The following KMT2E variants were observed in gnomAD, a reference collection of about 807,000 sequenced individuals.
KMT2E encodes the protein lysine methyltransferase 2E (inactive).
A neutral mutation model predicts 184.6 loss-of-function variants in KMT2E; 30 were observed. The observed-to-expected ratio is 0.16, with a 90% CI of 0.12 to 0.22. The LOEUF is 0.22. KMT2E is among the 10% of genes least tolerant of loss of function. The pLI, the probability that KMT2E is intolerant of heterozygous loss-of-function variation, is 1.00. For missense variants in KMT2E, 2,023 were observed against 2,237.4 expected, an observed-to-expected ratio of 0.90 and a Z score of 1.93; for synonymous variants, 815 against 776.5, an observed-to-expected ratio of 1.05 and a Z score of -0.82.
At chr7:105,063,160 A>G (rs1309404471) in intron 4 of KMT2E, among the ~76,000 whole-genome samples, 191 bp from the exon 5 acceptor site, 2 of 151,960 alleles carry the variant, frequency 1.3e-5, no homozygotes, top group African/African-American at 4.8e-5. Flanking sequence ...GTAGATAGAT[A>G]TATTCACTTA....
chr7:105,016,934 C>A (rs757616194), intron 1 of KMT2E, among the ~76,000 whole-genome samples: 1 of 152,158 alleles, frequency 6.6e-6, no homozygotes, highest in Non-Finnish European at 1.5e-5. Flanking sequence ...AGACTGAGCA[C>A]ACAACCTTAC....
chr7:105,076,437 A>G (rs946795232), intron 9 of KMT2E, among the ~76,000 whole-genome samples: 3 of 152,222 alleles, frequency 2.0e-5, no homozygotes, highest in East Asian at 1.9e-4. Flanking sequence ...GCACTTTTGC[A>G]TAGTTGGGAT....
intron 1 of KMT2E, among the ~76,000 whole-genome samples, chr7:105,024,288 G>A (rs1795081350): frequency 6.6e-6 from 1 of 152,166 alleles, no homozygotes; most frequent in Admixed American, 6.5e-5. Context: ...GTGCCAATAT[G>A]TCTTAACAGA....
chr7:105,108,848 T>TA, intron 22 of KMT2E, 94 bp from the exon 23 acceptor site: 1 of 1,018,646 alleles, frequency 9.8e-7, no homozygotes, highest in Non-Finnish European at 1.4e-6. Flanking sequence ...CTAATGTAAA[T>TA]ATAGTAATTC....
At chr7:105,033,502 T>G (rs1027056864) in intron 1 of KMT2E, among the ~76,000 whole-genome samples, 1 of 152,174 alleles carries the variant, frequency 6.6e-6, no homozygotes, top group African/African-American at 2.4e-5. Flanking sequence ...TGTTGCTTTT[T>G]GTTTTTGCTT....
intron 3 of KMT2E, among the ~76,000 whole-genome samples, chr7:105,042,419 TGTAA>T (rs1795922902): frequency 1.3e-5 from 2 of 152,260 alleles, no homozygotes; most frequent in African/African-American, 4.8e-5. Context: ...TATAATGTTC[TGTAA>T]GTGTTAAGCA....
intron 2 of KMT2E, among the ~76,000 whole-genome samples, chr7:105,039,956 T>C (rs1025288774): frequency 2.0e-5 from 3 of 152,204 alleles, no homozygotes; most frequent in African/African-American, 7.2e-5. Flanking sequence ...GAAAAATTGA[T>C]GTTGAAGCTA....
At chr7:105,032,141 A>AAGT in intron 1 of KMT2E, among the ~76,000 whole-genome samples, 1 of 150,080 alleles carries the variant, frequency 6.7e-6, no homozygotes. Context: ...TATATAGGTT[A>AAGT]AGTAAGTTAA....
At chr7:105,090,407 TAAGTG>T in intron 14 of KMT2E, 134 bp downstream of exon 14, 1 of 1,031,390 alleles carries the variant, frequency 9.7e-7, no homozygotes, top group Non-Finnish European at 1.4e-6. Flanking sequence ...GAAGTATTCA[TAAGTG>T]TAAAATACAA....
intron 15 of KMT2E, among the ~76,000 whole-genome samples, chr7:105,093,133 T>A (rs1228231135): frequency 6.6e-6 from 1 of 152,164 alleles, no homozygotes; most frequent in Non-Finnish European, 1.5e-5. Flanking sequence ...AGGTCAAGGC[T>A]GCACTGAGCT....
chr7:105,040,092 C>T (rs533292256), intron 2 of KMT2E, among the ~76,000 whole-genome samples: 1 of 152,176 alleles, frequency 6.6e-6, no homozygotes, highest in African/African-American at 2.4e-5. Context: ...AAAGAGAACT[C>T]CTTCAACAGT....
chr7:105,029,187 T>C (rs1010177025), intron 1 of KMT2E, among the ~76,000 whole-genome samples: 3 of 152,076 alleles, frequency 2.0e-5, no homozygotes, highest in Non-Finnish European at 4.4e-5. Context: ...TGCTTGAACC[T>C]GGGAGGCAGA....
chr7:105,063,746 G>C, intron 5 of KMT2E, 166 bp downstream of exon 5: 1 of 569,086 alleles, frequency 1.8e-6, no homozygotes, highest in South Asian at 2.4e-5. Flanking sequence ...TGTGAAAAAA[G>C]AGTTTACTAG....
chr7:105,080,945 G>A (rs373599997), intron 12 of KMT2E, among the ~76,000 whole-genome samples: 1 of 152,190 alleles, frequency 6.6e-6, no homozygotes, highest in Non-Finnish European at 1.5e-5. Context: ...TGGGGTTGCA[G>A]TGAGCCAAGA....
At chr7:105,036,165 T>C (rs926367684) in intron 1 of KMT2E, among the ~76,000 whole-genome samples, 18 of 151,634 alleles carry the variant, frequency 1.2e-4, no homozygotes, top group Non-Finnish European at 2.1e-4. Context: ...TTGTTGTTGT[T>C]GTTCTTTTGG....
chr7:105,113,599 T>A lies in KMT2E; in HGVS notation c.*266T>A. ...CTGATGCTGATTTGATGCTGTATGA[T>A]CTTTTTTTTTTTTTTAGTTAAATTC... On this transcript the variant is annotated 3_prime_UTR_variant, in exon 27 of 27. Transcript: ENST00000311117. The A allele has an allele frequency of 3.1e-6, 1 of 317,852 alleles. No homozygotes were observed. 19.7% of individuals were successfully genotyped at this position (317,852 alleles called of 1,614,324 possible).
At chr7:105,107,261 T>C (rs760055937) in intron 21 of KMT2E, 39 bp downstream of exon 21, 2 of 1,510,302 alleles carry the variant, frequency 1.3e-6, no homozygotes, top group Admixed American at 2.1e-5. Context: ...TGGTAGTTTT[T>C]TTCCTATTAC....
rs1295432172 is a variant in KMT2E, at chr7:105,112,633, T to TCCC, written c.4881_4883dup (p.Pro1634dup). ...CACCATCAAACTGCTGCTGCCGTAG[T>TCCC]CCCCCCTCCTCCTCCACCACCACCT... On this transcript the variant is annotated inframe_insertion, in exon 27 of 27. Transcript: ENST00000311117. The TCCC allele has an allele frequency of 7.4e-6, 12 of 1,612,866 alleles. No individual in the cohort carries two copies. The highest frequency in any genetic ancestry group is 1.0e-5 in the Non-Finnish European group (12 of 1,179,714).
chr7:105,087,762 C>T (rs1228864048), intron 13 of KMT2E, among the ~76,000 whole-genome samples: 1 of 150,680 alleles, frequency 6.6e-6, no homozygotes, highest in Non-Finnish European at 1.5e-5. Context: ...TTGGATTTCT[C>T]TCTTGTGAAT....
Sources: gnomAD v4.1 joint callset for allele counts (sites outside exome capture counted in the v4.1 genomes callset) on GRCh38, gnomAD v4.1.1 for gene constraint, MANE v1.5 for transcripts, NCBI Gene and HGNC (gene_info 2026-07-23, HGNC 2026-07-21) for gene names.